The following ZNF790 variants were observed in gnomAD, a reference collection of about 807,000 sequenced individuals.
ZNF790 encodes the protein zinc finger protein 790.
Under a neutral mutation model 12.1 loss-of-function variants are expected in ZNF790, and 8 were observed. The observed-to-expected ratio is 0.66, with a 90% confidence interval of 0.39 to 1.19. ZNF790 has a LOEUF of 1.19. Among genes scored for constraint, ZNF790 ranks in the 50% most tolerant of loss-of-function variants. The probability of loss-of-function intolerance (pLI) is 0.01; values close to 1 mark genes in which losing one functional copy is unlikely to be tolerated. For missense variants in ZNF790, 707 were observed against 752.2 expected, an observed-to-expected ratio of 0.94 and a Z score of 0.70; for synonymous variants, 252 against 244.3, an observed-to-expected ratio of 1.03 and a Z score of -0.29.
intron 1 of ZNF790, among the ~76,000 whole-genome samples, chr19:36,845,099 GAAGAAC>G (rs1367244123): frequency 7.3e-6 from 1 of 137,780 alleles, no homozygotes; most frequent in Non-Finnish European, 1.6e-5. Flanking sequence ...AGTTTTTCGA[GAAGAAC>G]AAGATCTCAG....
upstream of ZNF790, chr19:36,850,592 T>C (rs914000240): frequency 4.6e-5 from 7 of 152,310 alleles, no homozygotes; most frequent in Non-Finnish European, 1.0e-4. Flanking sequence ...TCGCAGGCTA[T>C]GGAGGAGGCC....
At chr19:36,847,641 T>A (rs1469541172) in intron 1 of ZNF790, among the ~76,000 whole-genome samples, 1 of 151,808 alleles carries the variant, frequency 6.6e-6, no homozygotes, top group South Asian at 2.1e-4. Flanking sequence ...TCCCAGCTAC[T>A]TGGGAGACTG....
intron 1 of ZNF790, among the ~76,000 whole-genome samples, chr19:36,834,565 G>A (rs1165824492): frequency 6.6e-6 from 1 of 152,210 alleles, no homozygotes; most frequent in Non-Finnish European, 1.5e-5. Flanking sequence ...ACAATGCCAT[G>A]TGTTAACAAG....
chr19:36,822,665 C>T (rs988543183), intron 4 of ZNF790, among the ~76,000 whole-genome samples: 1 of 152,102 alleles, frequency 6.6e-6, no homozygotes, highest in Non-Finnish European at 1.5e-5. Context: ...CTCAGCCTCC[C>T]GAGTAGCTGG....
chr19:36,827,772 A>T (rs1300664198), intron 1 of ZNF790: 1 of 152,240 alleles, frequency 6.6e-6, no homozygotes, highest in East Asian at 1.9e-4. Context: ...ACAGTGGCAG[A>T]TGGAGACGTA....
At chr19:36,845,322 A>G (rs939138498) in intron 1 of ZNF790, among the ~76,000 whole-genome samples, 14 of 151,770 alleles carry the variant, frequency 9.2e-5, no homozygotes, top group African/African-American at 3.4e-4. Context: ...AGGCTGAGGT[A>G]GGAGGATCAC....
chr19:36,834,934 TTAATATCTG>T (rs2146075231), intron 1 of ZNF790, among the ~76,000 whole-genome samples: 1 of 152,282 alleles, frequency 6.6e-6, no homozygotes, highest in Admixed American at 6.5e-5. Context: ...ATAACAATCA[TTAATATCTG>T]TATATCAAAG....
upstream of ZNF790, among the ~76,000 whole-genome samples, chr19:36,838,943 G>C (rs2072103742): frequency 2.6e-5 from 4 of 152,224 alleles, no homozygotes; most frequent in African/African-American, 9.6e-5. The surrounding 1 kb of genome is among the most constrained non-coding windows in gnomAD (Gnocchi z 4.4). Flanking sequence ...GCCTGGGATA[G>C]AACGAAGGGG....
At chr19:36,844,752 T>C (rs908368753) in intron 1 of ZNF790, among the ~76,000 whole-genome samples, 2 of 152,030 alleles carry the variant, frequency 1.3e-5, no homozygotes, top group Non-Finnish European at 2.9e-5. Flanking sequence ...AGAACACCAC[T>C]AAAAGAAATA....
chr19:36,844,904 C>T (rs1299912721), intron 1 of ZNF790, among the ~76,000 whole-genome samples: 1 of 149,928 alleles, frequency 6.7e-6, no homozygotes, highest in African/African-American at 2.4e-5. Context: ...AAAAATTAGC[C>T]GGGCGTAGTG....
At chr19:36,824,013 T>TTTTTTTTTTTA (rs953562825) in intron 2 of ZNF790, among the ~76,000 whole-genome samples, 1 of 146,558 alleles carries the variant, frequency 6.8e-6, no homozygotes, top group Admixed American at 6.8e-5. Flanking sequence ...TTTTTTTTTT[T>TTTTTTTTTTTA]GAGACAAGAG....
In ZNF790 at chr19:36,817,659, T is replaced by C. The variant is rs1043668608; in HGVS notation, c.*774A>G. Reference sequence around the variant, plus strand: ...AAACAGACATAGATTTAAGATACTTTCCAAAAAAAAAAAATAGAGGCAGGA... The same window carrying C: ...AAACAGACATAGATTTAAGATACTTCCCAAAAAAAAAAAATAGAGGCAGGA... On this transcript the variant is annotated 3_prime_UTR_variant, in exon 5 of 5. Coordinates refer to ENST00000356725, the MANE Select transcript of ZNF790 (RefSeq NM_206894.4). 1 of 138,018 alleles carries C rather than the reference T, an allele frequency of 7.2e-6. No homozygotes were observed. Among genetic ancestry groups the C allele is most frequent in the African/African-American group, 2.6e-5 (1 of 38,540 alleles). 8.5% of individuals were successfully genotyped at this position (138,018 alleles called of 1,614,324 possible). A position where few individuals can be genotyped will look rare whatever the true frequency, so the allele number is the denominator to read the frequency against.
intron 1 of ZNF790, among the ~76,000 whole-genome samples, chr19:36,832,581 C>T (rs1034578129): frequency 6.6e-6 from 1 of 152,078 alleles, no homozygotes; most frequent in African/African-American, 2.4e-5. Context: ...GGAAGGTGAT[C>T]CTCTAGTCCC....
upstream of ZNF790, among the ~76,000 whole-genome samples, chr19:36,843,264 G>A (rs1244541517): frequency 1.3e-5 from 2 of 152,186 alleles, no homozygotes; most frequent in African/African-American, 4.8e-5. Context: ...ACATAAGGCT[G>A]GTTTTCTTCT....
chr19:36,840,613 C>T (rs376573374), upstream of ZNF790, among the ~76,000 whole-genome samples: 244 of 152,120 alleles, frequency 1.6e-3, 7 homozygotes, highest in South Asian at 0.038. Flanking sequence ...ACTGTTTGTA[C>T]AAAAAGTTTA....
At chr19:36,831,565 A>G (rs558467581) in intron 1 of ZNF790, among the ~76,000 whole-genome samples, 2 of 152,240 alleles carry the variant, frequency 1.3e-5, no homozygotes, top group Non-Finnish European at 2.9e-5. Context: ...CTCTAGGCGC[A>G]TAAGATCTGA....
At chr19:36,832,793 AT>A (rs545879819) in intron 1 of ZNF790, among the ~76,000 whole-genome samples, 97 of 152,304 alleles carry the variant, frequency 6.4e-4, no homozygotes, top group African/African-American at 2.3e-3. Flanking sequence ...AGGTTAGAGA[AT>A]AGAAAATAGA....
At chr19:36,827,141 C>CACACACACATATATAT (rs1313807327) in intron 1 of ZNF790, among the ~76,000 whole-genome samples, 13 of 84,432 alleles carry the variant, frequency 1.5e-4, no homozygotes, top group African/African-American at 6.6e-4. Flanking sequence ...CACACACACA[C>CACACACACATATATAT]ATATATATAT....
At chr19:36,844,007 C>CAA (rs397782483) in intron 1 of ZNF790, among the ~76,000 whole-genome samples, 6 of 86,772 alleles carry the variant, frequency 6.9e-5, no homozygotes, top group African/African-American at 1.7e-4. Flanking sequence ...AACTCCATCT[C>CAA]AAAAAAAAAA....
Sources: allele counts gnomAD v4.1 joint callset (sites outside exome capture counted in the v4.1 genomes callset), GRCh38; gene constraint gnomAD v4.1.1; non-coding constraint Gnocchi (gnomAD v3.1); transcripts MANE v1.5; gene names NCBI Gene and HGNC (gene_info 2026-07-23, HGNC 2026-07-21).